TMEM138: variants seen among roughly 807,000 people sequenced by gnomAD.
TMEM138 encodes the protein transmembrane protein 138.
In TMEM138, 9 loss-of-function variants were observed where a neutral mutation model predicts 18.1. That is an observed-to-expected ratio of 0.50 (90% CI 0.30 to 0.87). The LOEUF is 0.87. Ranked by LOEUF, TMEM138 falls within the 40% of genes least tolerant of loss-of-function variation. The pLI is 0.06. For missense variants in TMEM138, 189 were observed against 190.6 expected (o/e 0.99, Z 0.05); for synonymous variants, 79 against 74.8 (o/e 1.06, Z -0.29).
At chr11:61,364,098 C>CT in intron 1 of TMEM138, 154 bp from the exon 2 acceptor site, 1 of 247,686 alleles carries the variant, frequency 4.0e-6, no homozygotes, top group Non-Finnish European at 7.8e-6. Flanking sequence ...GGTGAAGGTC[C>CT]TAGAATAAAT....
At position 61,368,627 on chromosome 11, in the gene TMEM138, G is replaced by A. The variant is rs559573997; in HGVS notation, c.407G>A (p.Arg136Gln). 27 of 1,613,936 alleles carry A rather than the reference G, an allele frequency of 1.7e-5. No individual in the cohort carries two copies. Among genetic ancestry groups the A allele is most frequent in the South Asian group, 1.6e-4 (15 of 91,084 alleles). ...AAVLYCYFYK[R>Q]TAVRLGDPHF... ...GTGTTGTACTGCTACTTCTATAAAC[G>A]GACAGCCGTAAGACTAGGCGATCCT... The change falls in exon 5 of 5, where the codon CGG becomes CAG. Residue 136 changes from arginine (R) to glutamine (Q), a missense_variant. By Grantham distance (43) the Arg-to-Gln change is conservative. Coordinates refer to ENST00000278826, the MANE Select transcript of TMEM138 (RefSeq NM_016464.5).
At chr11:61,375,077 G>A (rs767407354), downstream of TMEM138, among the ~76,000 whole-genome samples, 1 of 152,156 alleles carries the variant, frequency 6.6e-6, no homozygotes, top group Non-Finnish European at 1.5e-5. Flanking sequence ...GAACTGAAAT[G>A]TTCATGAAAA....
chr11:61,364,367 G>A lies in TMEM138; in HGVS notation c.-24G>A, dbSNP rs116455434. 2,566 of 1,613,008 alleles carry A rather than the reference G, an allele frequency of 1.6e-3. 47 individuals carry two copies. The African/African-American group carries it at 0.029, about 18-fold the overall frequency. On this transcript the variant is annotated 5_prime_UTR_variant, in exon 2 of 5. The change creates a premature stop within an existing upstream ORF in the 5' untranslated region. Coordinates refer to ENST00000278826, the MANE Select transcript of TMEM138 (RefSeq NM_016464.5). Reference sequence around the variant, plus strand: ...CTGGGAACTGTGGGATGTGCCCTTGGGGGCCCGAGAAAACAGAAGGAAGAT... The same window carrying A: ...CTGGGAACTGTGGGATGTGCCCTTGAGGGCCCGAGAAAACAGAAGGAAGAT...
downstream of TMEM138, among the ~76,000 whole-genome samples, chr11:61,370,915 G>C (rs1858326134): frequency 6.6e-6 from 1 of 152,194 alleles, no homozygotes; most frequent in East Asian, 1.9e-4. Context: ...TGGCTAGCCT[G>C]CAGTGACCTC....
chr11:61,364,806 G>A (rs563956629), intron 2 of TMEM138: 14 of 225,128 alleles, frequency 6.2e-5, no homozygotes, highest in African/African-American at 3.2e-4. Flanking sequence ...GACGTGGAAG[G>A]ATTGCTTAAG....
chr11:61,372,834 A>G (rs1284757683), downstream of TMEM138, among the ~76,000 whole-genome samples: 1 of 151,962 alleles, frequency 6.6e-6, no homozygotes, highest in Non-Finnish European at 1.5e-5. Flanking sequence ...CAGCAAGTCC[A>G]AGCATTTCAT....
At chr11:61,375,871 C>T (rs57905210), downstream of TMEM138, among the ~76,000 whole-genome samples, 673 of 152,258 alleles carry the variant, frequency 4.4e-3, 4 homozygotes, top group African/African-American at 0.015. Flanking sequence ...AAGTAAAGCA[C>T]GTCACTTTCT....
chr11:61,368,045 C>A, intron 4 of TMEM138, 47 bp downstream of exon 4: 1 of 1,321,422 alleles, frequency 7.6e-7, no homozygotes, highest in Non-Finnish European at 1.1e-6. Context: ...CCACATGTGT[C>A]TCTTTCAGTG....
At chr11:61,372,528 A>G (rs1451489091), downstream of TMEM138, among the ~76,000 whole-genome samples, 1 of 151,518 alleles carries the variant, frequency 6.6e-6, no homozygotes, top group African/African-American at 2.4e-5. Context: ...CACGCCTGTA[A>G]TCCCAGCACT....
intron 3 of TMEM138, 78 bp downstream of exon 3, chr11:61,366,294 G>C: frequency 1.3e-6 from 2 of 1,488,900 alleles, no homozygotes; most frequent in South Asian, 2.7e-5. Context: ...ACCAAGGCTG[G>C]TCTCAAACTC....
chr11:61,371,960 G>A (rs1312869771), downstream of TMEM138, among the ~76,000 whole-genome samples: 8 of 151,970 alleles, frequency 5.3e-5, no homozygotes, highest in Non-Finnish European at 8.8e-5. Flanking sequence ...GGTGGATCAC[G>A]AGGTCAAGAG....
chr11:61,366,908 T>C (rs1392642001), intron 3 of TMEM138: 2 of 152,210 alleles, frequency 1.3e-5, no homozygotes, highest in East Asian at 1.9e-4. Flanking sequence ...ACCAACCTTA[T>C]GTGTTGAAAA....
chr11:61,367,754 G>A, intron 3 of TMEM138, 169 bp from the exon 4 acceptor site: 2 of 640,906 alleles, frequency 3.1e-6, no homozygotes, highest in South Asian at 1.9e-5. Context: ...TCCCTTTGCA[G>A]CGAAAAATGG....
Position 61,364,526 on chromosome 11 carries a change from C to T in TMEM138, c.128+8C>T, listed in dbSNP as rs769334895. The T allele has an allele frequency of 3.1e-6, 5 of 1,613,940 alleles. No homozygotes were observed. Among genetic ancestry groups the T allele is most frequent in the Middle Eastern group, 1.6e-4 (1 of 6,062 alleles). Reference sequence around the variant, plus strand: ...CCAGCTTGTGCTCTTCATGTGCGTGCAGTAAGGCACTCTGGAAAGCTGAAC... The same window carrying T: ...CCAGCTTGTGCTCTTCATGTGCGTGTAGTAAGGCACTCTGGAAAGCTGAAC... On this transcript the variant is annotated splice_region_variant and intron_variant, in intron 2 of 4. Coordinates refer to ENST00000278826, the MANE Select transcript of TMEM138 (RefSeq NM_016464.5).
At position 61,366,164 on chromosome 11, in the gene TMEM138, T is replaced by C. The variant is rs767361822; in HGVS notation, c.248T>C (p.Ile83Thr). The C allele has an allele frequency of 9.3e-6, 15 of 1,614,134 alleles. No homozygotes were observed. In the Admixed American group the frequency reaches 2.5e-4, roughly 27 times the overall value. The change falls in exon 3 of 5, where the codon ATC becomes ACC. Residue 83 changes from isoleucine to threonine, a missense_variant. Physicochemically the swap from Ile to Thr is moderately conservative, Grantham distance 89. Coordinates refer to ENST00000278826, the MANE Select transcript of TMEM138 (RefSeq NM_016464.5). ...TTCCATAAGTTCAAAGGGACCATCATCCTGACAGCTGTGTACTTTGCCCTC... is the reference window on the plus strand; with the variant it reads ...TTCCATAAGTTCAAAGGGACCATCACCCTGACAGCTGTGTACTTTGCCCTC... ...LLFHKFKGTI[I>T]LTAVYFALSI...
rs1274076316 is a variant in TMEM138 at position 61,368,454 on chromosome 11, C to T, written c.377-143C>T. 9.9e-6 allele frequency: 6 copies of T among 606,604 alleles called. No homozygotes were observed. In the Admixed American group the frequency reaches 1.1e-4, roughly 11 times the overall value. 37.6% of individuals were successfully genotyped at this position (606,604 alleles called of 1,614,324 possible). A position where few individuals can be genotyped will look rare whatever the true frequency, so the allele number is the denominator to read the frequency against. On this transcript the variant is annotated intron_variant, in intron 4 of 4. Transcript: ENST00000278826. Reference sequence around the variant, plus strand: ...GTGTTAGCCAGGATGGTCTCGATCTCTGACCTCATGATCCGCCTGCCTCTG... The same window carrying T: ...GTGTTAGCCAGGATGGTCTCGATCTTTGACCTCATGATCCGCCTGCCTCTG...
downstream of TMEM138, among the ~76,000 whole-genome samples, chr11:61,371,872 A>G (rs1229483733): frequency 6.6e-6 from 1 of 152,138 alleles, no homozygotes; most frequent in East Asian, 1.9e-4. Context: ...CTGATTGGCA[A>G]CTGGTTGAAA....
In TMEM138 at chr11:61,367,907, C is replaced by A; in HGVS notation, c.301-16C>A. ...CTTGTGGCCATTAACTTTTGTGTATCTCACATCTCCTTCAGAACTTACGCT... is the reference window on the plus strand; with the variant it reads ...CTTGTGGCCATTAACTTTTGTGTATATCACATCTCCTTCAGAACTTACGCT... On this transcript the variant is annotated splice_polypyrimidine_tract_variant and intron_variant, in intron 3 of 4. Transcript: ENST00000278826. 1 of 1,587,612 alleles carries A rather than the reference C, an allele frequency of 6.3e-7. No homozygotes were observed. Among genetic ancestry groups the A allele is most frequent in the Non-Finnish European group, 8.6e-7 (1 of 1,156,512 alleles).
At chr11:61,364,138 TG>T (rs1858050184) in intron 1 of TMEM138, 113 bp from the exon 2 acceptor site, 3 of 334,580 alleles carry the variant, frequency 9.0e-6, no homozygotes, top group Non-Finnish European at 1.6e-5. Context: ...TTGTTGGTTT[TG>T]TTCACTAAAG....
Sources: allele counts gnomAD v4.1 joint callset (sites outside exome capture counted in the v4.1 genomes callset), GRCh38; gene constraint gnomAD v4.1.1; transcripts MANE v1.5; gene names NCBI Gene and HGNC (gene_info 2026-07-23, HGNC 2026-07-21).